Variants in TAFA5 observed in about 807,000 individuals in gnomAD.
TAFA5 encodes the protein chemokine-like protein TAFA-5.
Under a neutral mutation model 15.3 loss-of-function variants are expected in TAFA5, and 6 were observed. That is an observed-to-expected ratio of 0.39 (90% CI 0.21 to 0.77). The LOEUF (loss-of-function observed/expected upper bound fraction) is 0.77, where lower values mean the gene tolerates loss of function less well. Among genes scored for constraint, TAFA5 ranks in the 30% least tolerant of loss-of-function variants. The pLI, the probability that TAFA5 is intolerant of heterozygous loss-of-function variation, is 0.41. For missense variants in TAFA5, 161 were observed against 193.1 expected (o/e 0.83, Z 0.98); for synonymous variants, 103 against 80.7 (o/e 1.28, Z -1.48).
chr22:48,705,003 G>A (rs370050040), intron 2 of TAFA5, among the ~76,000 whole-genome samples: 8 of 152,058 alleles, frequency 5.3e-5, no homozygotes, highest in East Asian at 3.9e-4. Flanking sequence ...GAGAGACAGC[G>A]AGCACACATG....
At chr22:48,667,822 C>T in intron 2 of TAFA5, among the ~76,000 whole-genome samples, 1 of 33,580 alleles carries the variant, frequency 3.0e-5, no homozygotes, top group Non-Finnish European at 4.9e-5. Context: ...GAGCGTTAAT[C>T]CCCCAGCACT....
Position 48,742,775 on chromosome 22 carries a change from A to G in TAFA5, c.391-7064A>G, listed in dbSNP as rs1349075789. Among the ~76,000 whole-genome samples the G allele has an allele frequency of 6.6e-6, 1 of 152,128 alleles. No individual in the cohort carries two copies. The highest frequency in any genetic ancestry group is 1.5e-5 in the Non-Finnish European group (1 of 68,014). On this transcript the variant is annotated intron_variant, in intron 3 of 3. Coordinates refer to ENST00000402357, the MANE Select transcript of TAFA5 (RefSeq NM_001082967.3). This position sits in a 1 kb window ranked among gnomAD's most constrained non-coding sequence, Gnocchi z 6.2. ...TATGGTGGACTGGGCAGCATGGTGT[A>G]TTAGAAGAGGAGAGATGGCCTGGGG... is the stretch of plus-strand genomic sequence containing the variant.
At chr22:48,724,509 C>T (rs186130362) in intron 3 of TAFA5, among the ~76,000 whole-genome samples, 124 of 152,344 alleles carry the variant, frequency 8.1e-4, no homozygotes, top group African/African-American at 2.8e-3. Context: ...TGGATTAATG[C>T]AGCCACACAC....
At chr22:48,558,413 A>T (rs1459643612) in intron 1 of TAFA5, among the ~76,000 whole-genome samples, 1 of 152,042 alleles carries the variant, frequency 6.6e-6, no homozygotes, top group African/African-American at 2.4e-5. Flanking sequence ...TGTCTGTCGC[A>T]CCTCTTGGGT....
At chr22:48,698,187 G>A (rs1207680053) in intron 2 of TAFA5, among the ~76,000 whole-genome samples, 1 of 151,934 alleles carries the variant, frequency 6.6e-6, no homozygotes, top group Non-Finnish European at 1.5e-5. Context: ...TGGTGGTGAT[G>A]ATGATGGTGA....
intron 1 of TAFA5, among the ~76,000 whole-genome samples, chr22:48,542,159 G>T (rs562194758): frequency 1.0e-3 from 125 of 121,350 alleles, no homozygotes; most frequent in African/African-American, 3.8e-3. Context: ...GGGTGTGGGG[G>T]GTGTGTGTGC....
In TAFA5 at chr22:48,736,167, C is replaced by T. The variant is rs1410480257; in HGVS notation, c.391-13672C>T. ...GAATCGCACTCCTAGAGTCCAGAGT[C>T]CATACCCCCCAGGAGGAATGAGAAT... On this transcript the variant is annotated intron_variant, in intron 3 of 3. Coordinates refer to ENST00000402357, the MANE Select transcript of TAFA5 (RefSeq NM_001082967.3). Among the ~76,000 whole-genome samples, 2 of 93,316 alleles carry T rather than the reference C, an allele frequency of 2.1e-5. 1 individual carries two copies. Among genetic ancestry groups the T allele is most frequent in the Admixed American group, 2.2e-4 (2 of 9,008 alleles). The allele number at this position is 93,316 out of a possible 152,430, so 61.2% of individuals were successfully genotyped here.
chr22:48,619,162 A>G (rs1327464363), intron 1 of TAFA5, among the ~76,000 whole-genome samples: 2 of 152,302 alleles, frequency 1.3e-5, no homozygotes, highest in Middle Eastern at 3.4e-3. Flanking sequence ...TTCTGAGTGC[A>G]GCCACGACAT....
At chr22:48,564,766 C>A (rs1280050132) in intron 1 of TAFA5, among the ~76,000 whole-genome samples, 2 of 152,196 alleles carry the variant, frequency 1.3e-5, no homozygotes, top group East Asian at 1.9e-4. Context: ...TTGGGAGCCA[C>A]TGAGGGAATG....
intron 3 of TAFA5, among the ~76,000 whole-genome samples, chr22:48,721,072 G>A (rs186331821): frequency 1.6e-4 from 25 of 152,344 alleles, no homozygotes; most frequent in African/African-American, 4.6e-4. Flanking sequence ...GCCCCACTGT[G>A]TGGTTGCCCA....
intron 2 of TAFA5, among the ~76,000 whole-genome samples, chr22:48,670,766 C>T (rs1203019955): frequency 2.6e-5 from 4 of 152,184 alleles, no homozygotes; most frequent in African/African-American, 9.7e-5. Flanking sequence ...GAGAAAGCAC[C>T]TCCTCAGTTG....
chr22:48,504,796 C>T (rs1041536545), intron 1 of TAFA5, among the ~76,000 whole-genome samples: 4 of 152,164 alleles, frequency 2.6e-5, no homozygotes, highest in African/African-American at 7.2e-5. Context: ...CGCCGAATCC[C>T]AGAGACCCCT....
At chr22:48,563,585 G>A (rs924624806) in intron 1 of TAFA5, among the ~76,000 whole-genome samples, 3 of 152,214 alleles carry the variant, frequency 2.0e-5, no homozygotes, top group Non-Finnish European at 4.4e-5. Context: ...TGCTGCTGCC[G>A]GGCAGGCATG....
intron 2 of TAFA5, among the ~76,000 whole-genome samples, chr22:48,674,552 G>A (rs1320379719): frequency 6.6e-6 from 1 of 152,162 alleles, no homozygotes; most frequent in African/African-American, 2.4e-5. Context: ...TGCAAACCAC[G>A]CTTTTGTTTG....
intron 1 of TAFA5, among the ~76,000 whole-genome samples, chr22:48,542,449 ATGTGCGGGTGTGTGT>A (rs1922453582): frequency 2.3e-5 from 1 of 42,772 alleles, no homozygotes; most frequent in African/African-American, 9.8e-5. Context: ...TGTGTGGTGT[ATGTGCGGGTGTGTGT>A]TGTGTATGTG....
intron 3 of TAFA5, among the ~76,000 whole-genome samples, chr22:48,723,671 G>A (rs553786406): frequency 6.6e-6 from 1 of 152,218 alleles, no homozygotes; most frequent in Non-Finnish European, 1.5e-5. Flanking sequence ...GGGAGACCTT[G>A]TGGAAGTCAG....
chr22:48,680,942 C>T (rs943127435), intron 2 of TAFA5, among the ~76,000 whole-genome samples: 4 of 152,244 alleles, frequency 2.6e-5, no homozygotes, highest in Admixed American at 1.3e-4. Flanking sequence ...CAGGCCCAAC[C>T]TGCGCTCCCA....
chr22:48,647,308 C>T (rs969979237), intron 2 of TAFA5, among the ~76,000 whole-genome samples: 1 of 152,290 alleles, frequency 6.6e-6, no homozygotes. Context: ...TTCTGACAAG[C>T]TGGGCCGTGG....
intron 2 of TAFA5, among the ~76,000 whole-genome samples, chr22:48,687,272 AATGGATGGTGGACGG>A (rs1928392276): frequency 6.9e-6 from 1 of 143,916 alleles, no homozygotes; most frequent in African/African-American, 2.6e-5. Flanking sequence ...TGGGTGGATG[AATGGATGGTGGACGG>A]ATGGATGGGT....
Sources: gnomAD v4.1 joint callset for allele counts (sites outside exome capture counted in the v4.1 genomes callset) on GRCh38, gnomAD v4.1.1 for gene constraint, Gnocchi (gnomAD v3.1) non-coding constraint, MANE v1.5 for transcripts, NCBI Gene and HGNC (gene_info 2026-07-23, HGNC 2026-07-21) for gene names.